Variants in TRPV4 observed in about 807,000 individuals in gnomAD.
The protein encoded by TRPV4 is transient receptor potential cation channel subfamily V member 4, also known as OSM9-like transient receptor potential channel 4.
In TRPV4, 58 loss-of-function variants were observed where a neutral mutation model predicts 84.1. The observed-to-expected ratio is 0.69, with a 90% CI of 0.56 to 0.86. TRPV4 has a LOEUF of 0.86. Among genes scored for constraint, TRPV4 ranks in the 40% least tolerant of loss-of-function variants. TRPV4 has a pLI of 0.00. For missense variants in TRPV4, 879 were observed against 1,181.1 expected (o/e 0.74, Z 3.75); for synonymous variants, 489 against 500.9 (o/e 0.98, Z 0.32).
At chr12:109,790,816 G>C (rs905585249) in intron 12 of TRPV4, among the ~76,000 whole-genome samples, 3 of 152,242 alleles carry the variant, frequency 2.0e-5, no homozygotes, top group African/African-American at 7.2e-5. Context: ...GAGTAAGGCA[G>C]CAGTGATGCC....
Position 109,808,466 on chromosome 12 carries a change from T to A in TRPV4, c.389A>T (p.Lys130Met), listed in dbSNP as rs1891283509. ...AGGGGCTTTGGGGCTCTGCGGCTGC[T>A]TCCTGGAGGAGGTAGGGAGGCAAGT... ...NKRWRKKIIE[K>M]QPQSPKAPAP... Residue 130 changes from lysine to methionine, a missense_variant and splice_region_variant, in exon 3 of 16, where the codon AAG (lysine) becomes ATG (methionine). This residue lies in a region of TRPV4 where 521 missense variants were observed against 686.6 expected (regional missense o/e 0.76). Transcript: ENST00000261740. 6.2e-7 allele frequency: 1 copy of A among 1,611,288 alleles called. No individual in the cohort carries two copies.
At position 109,792,836 on chromosome 12, in the gene TRPV4, C is replaced by T. The variant is rs575313546; in HGVS notation, c.1659-19G>A. 1 of 1,612,998 alleles carries T rather than the reference C, an allele frequency of 6.2e-7. No homozygotes were observed. Among genetic ancestry groups the T allele is most frequent in the African/African-American group, 1.3e-5 (1 of 75,034 alleles). ...GATGAAGCTGCAGTGCAGCAGAGAC[C>T]ACAAGAGAGGCCAGAGGGGAGAGGG... On this transcript the variant is annotated intron_variant, in intron 10 of 15. Coordinates refer to ENST00000261740, the MANE Select transcript of TRPV4 (RefSeq NM_021625.5).
At position 109,796,297 on chromosome 12, in the gene TRPV4, C is replaced by A. The variant is rs1294739741; in HGVS notation, c.1332+228G>T. 1.3e-5 allele frequency among the ~76,000 whole-genome samples: 2 copies of A among 152,194 alleles called. No individual in the cohort carries two copies. The highest frequency in any genetic ancestry group is 4.8e-5 in the African/African-American group (2 of 41,452). ...TACAGAGCCAGGATCCCAACCCAGT[C>A]CTACCTGCCCCAAAAGTCCATCTTC... On this transcript the variant is annotated intron_variant, in intron 7 of 15. Transcript: ENST00000261740. The surrounding 1 kb of genome is among the most constrained non-coding windows in gnomAD (Gnocchi z 4.2).
At chr12:109,788,324 G>T in intron 13 of TRPV4, 76 bp downstream of exon 13, 1 of 1,450,226 alleles carries the variant, frequency 6.9e-7, no homozygotes. Context: ...GGAAGGCCGA[G>T]GAAGCCAGTC....
rs1380163875 is a variant in TRPV4 at position 109,794,405 on chromosome 12, T to A, written c.1415A>T (p.Tyr472Phe). The change falls in exon 8 of 16, where the codon TAC becomes TTC. Residue 472 changes from tyrosine to phenylalanine, a missense_variant. By Grantham distance (22) the Tyr-to-Phe change is conservative. Transcript: ENST00000261740. ...ACACAGGTAGGAGACCACGTTGATGTAGAAGGAGACGGCCCCGAACTTGCG... is the reference window on the plus strand; with the variant it reads ...ACACAGGTAGGAGACCACGTTGATGAAGAAGGAGACGGCCCCGAACTTGCG... ...KWRKFGAVSF[Y>F]INVVSYLCAM... 1 of 1,614,006 alleles carries A rather than the reference T, an allele frequency of 6.2e-7. No individual in the cohort carries two copies. Among genetic ancestry groups the A allele is most frequent in the Non-Finnish European group, 8.5e-7 (1 of 1,180,024 alleles).
At position 109,802,998 on chromosome 12, in the gene TRPV4, G is replaced by A; in HGVS notation, c.705C>T (p.Tyr235=). 1 of 1,613,994 alleles carries A rather than the reference G, an allele frequency of 6.2e-7. No individual in the cohort carries two copies. The highest frequency in any genetic ancestry group is 8.5e-7 in the Non-Finnish European group (1 of 1,180,004). ...EFINSPFRDI[Y]YRGQTALHIA... The stretch of plus-strand genomic sequence containing the variant: ...CCCAGCCCGGGGCCCCACCTCGATA[G>A]TAGATGTCACGGAAGGGCGAGTTAA... The change falls in exon 4 of 16, where the codon TAC becomes TAT. Residue 235 remains tyrosine (Y), a synonymous_variant. Transcript: ENST00000261740.
In TRPV4 at chr12:109,807,189, T is replaced by C. The variant is rs183217901; in HGVS notation, c.559+1107A>G. On this transcript the variant is annotated intron_variant, in intron 3 of 15. Transcript: ENST00000261740. ...TACTTGGGAGGCTGAGGCAGGAGAA[T>C]CACTTGAACCCAGGAGGCGGAGGTT... is the stretch of plus-strand genomic sequence containing the variant. 4.7e-3 allele frequency among the ~76,000 whole-genome samples: 710 copies of C among 150,236 alleles called. 5 individuals carry two copies. The highest frequency in any genetic ancestry group is 0.017 in the African/African-American group (686 of 40,876).
chr12:109,823,082 T>C (rs1892153578), intron 1 of TRPV4, among the ~76,000 whole-genome samples: 1 of 152,158 alleles, frequency 6.6e-6, no homozygotes, highest in South Asian at 2.1e-4. Context: ...GCTCAACTCC[T>C]TGGCCAGGCG....
chr12:109,783,492 C>G lies in TRPV4; in HGVS notation c.*129G>C. ...GGGACCACAGGGTCCTGGGGCCTCC[C>G]TGGCACCTCCACTGGTCCCTCGCCT... On this transcript the variant is annotated 3_prime_UTR_variant, in exon 16 of 16. Coordinates refer to ENST00000261740, the MANE Select transcript of TRPV4 (RefSeq NM_021625.5). This position sits in a 1 kb window ranked among gnomAD's most constrained non-coding sequence, Gnocchi z 4.6. 1 of 1,324,312 alleles carries G rather than the reference C, an allele frequency of 7.6e-7. No homozygotes were observed. Among genetic ancestry groups the G allele is most frequent in the Non-Finnish European group, 1.0e-6 (1 of 983,380 alleles). 82.0% of individuals were successfully genotyped at this position (1,324,312 alleles called of 1,614,324 possible). A position where few individuals can be genotyped will look rare whatever the true frequency, so the allele number is the denominator to read the frequency against.
chr12:109,795,458 C>T (rs755959673), intron 7 of TRPV4, among the ~76,000 whole-genome samples: 34 of 152,174 alleles, frequency 2.2e-4, no homozygotes, highest in Non-Finnish European at 3.8e-4. Context: ...CCACCTGCAC[C>T]CAGTCCCCAG....
Position 109,798,842 on chromosome 12 carries a change from G to A in TRPV4, c.924C>T (p.Pro308=), listed in dbSNP as rs1422835164. ...PHIVNYLTEN[P]HKKADMRRQD... The stretch of plus-strand genomic sequence containing the variant: ...GGCGCCGCATGTCCGCCTTCTTGTG[G>A]GGGTTCTCCGTCAGGTAGTTGACAA... The change falls in exon 6 of 16, where the codon CCC becomes CCT. Residue 308 remains proline, a synonymous_variant. Coordinates refer to ENST00000261740, the MANE Select transcript of TRPV4 (RefSeq NM_021625.5). The surrounding 1 kb of genome is among the most constrained non-coding windows in gnomAD (Gnocchi z 5.0). 2 of 1,614,026 alleles carry A rather than the reference G, an allele frequency of 1.2e-6. No individual in the cohort carries two copies. The highest frequency in any genetic ancestry group is 1.7e-6 in the Non-Finnish European group (2 of 1,180,044).
chr12:109,807,585 G>T (rs536745366), intron 3 of TRPV4, among the ~76,000 whole-genome samples: 73 of 152,202 alleles, frequency 4.8e-4, no homozygotes, highest in African/African-American at 1.7e-3. Context: ...TGACTTGTGA[G>T]ATCACGGCCA....
At chr12:109,802,809 T>C (rs930463580) in intron 4 of TRPV4, among the ~76,000 whole-genome samples, 182 bp downstream of exon 4, 1 of 151,530 alleles carries the variant, frequency 6.6e-6, no homozygotes, top group African/African-American at 2.4e-5. Context: ...TTACCGTTCC[T>C]TCATCCATCC....
At chr12:109,784,955 T>G (rs866362470) in intron 14 of TRPV4, among the ~76,000 whole-genome samples, 1 of 150,698 alleles carries the variant, frequency 6.6e-6, no homozygotes, top group South Asian at 2.1e-4. Context: ...ATTAAGCACA[T>G]CCACATTGTG....
chr12:109,797,665 G>A (rs1352857220), intron 6 of TRPV4, among the ~76,000 whole-genome samples: 1 of 152,140 alleles, frequency 6.6e-6, no homozygotes, highest in Non-Finnish European at 1.5e-5. Context: ...CAGGGCCATG[G>A]TATAATTGCA....
chr12:109,810,769 C>G (rs779164217), intron 2 of TRPV4, among the ~76,000 whole-genome samples: 9 of 152,126 alleles, frequency 5.9e-5, no homozygotes, highest in African/African-American at 9.7e-5. Flanking sequence ...ACTGAGGCAG[C>G]CTTCAGGGCT....
intron 1 of TRPV4, among the ~76,000 whole-genome samples, chr12:109,818,976 G>A (rs1039927475): frequency 6.6e-6 from 1 of 152,126 alleles, no homozygotes; most frequent in Non-Finnish European, 1.5e-5. Flanking sequence ...GGAGCAAATG[G>A]CTTTGAAGAA....
chr12:109,801,923 A>C (rs1189409595), intron 4 of TRPV4, among the ~76,000 whole-genome samples: 1 of 152,182 alleles, frequency 6.6e-6, no homozygotes, highest in Non-Finnish European at 1.5e-5. Context: ...GAATCTTAAT[A>C]TCCAGGCATC....
At chr12:109,801,065 G>A (rs532868133) in intron 4 of TRPV4, among the ~76,000 whole-genome samples, 20 of 152,246 alleles carry the variant, frequency 1.3e-4, no homozygotes, top group Non-Finnish European at 2.2e-4. Flanking sequence ...TGTAATCCCA[G>A]CAATTTGGGA....
Sources: gnomAD v4.1 joint callset for allele counts (sites outside exome capture counted in the v4.1 genomes callset) on GRCh38, gnomAD v4.1.1 for gene constraint, gnomAD v4.1.1 regional missense constraint, Gnocchi (gnomAD v3.1) non-coding constraint, MANE v1.5 for transcripts, NCBI Gene and HGNC (gene_info 2026-07-23, HGNC 2026-07-21) for gene names.